ABTB1: variants seen among roughly 807,000 people sequenced by gnomAD.
The protein encoded by ABTB1 is ankyrin repeat and BTB/POZ domain-containing protein 1.
A neutral mutation model predicts 57.1 loss-of-function variants in ABTB1; 45 were observed. That is an observed-to-expected ratio of 0.79 (90% CI 0.62 to 1.01). The LOEUF is 1.01. Ranked by LOEUF, ABTB1 falls within the 50% of genes least tolerant of loss-of-function variation. The probability of loss-of-function intolerance (pLI) is 0.00; values close to 1 mark genes in which losing one functional copy is unlikely to be tolerated. For synonymous variants in ABTB1, 302 were observed against 275.4 expected (o/e 1.10, Z -0.95); for missense variants, 630 against 666.3 (o/e 0.95, Z 0.60).
intron 10 of ABTB1, 74 bp downstream of exon 10, chr3:127,677,917 T>C: frequency 1.3e-6 from 2 of 1,535,656 alleles, no homozygotes. Context: ...GCCAGGGCCC[T>C]GGGGGTCTGT....
rs2074977007 is a variant in ABTB1 at position 127,676,130 on chromosome 3, CGAG to C, written c.320+18_320+20del. The C allele has an allele frequency of 1.2e-6, 2 of 1,612,308 alleles. No homozygotes were observed. The highest frequency in any genetic ancestry group is 2.7e-5 in the African/African-American group (2 of 74,856). ...TCTTGCAGCGGTGAGCCAGGGCACA[CGAG>C]GGGTGCAGCATGGGGTGCGGTGGCC... On this transcript the variant is annotated intron_variant, in intron 4 of 11. Coordinates refer to ENST00000232744, the MANE Select transcript of ABTB1 (RefSeq NM_172027.3). This position sits in a 1 kb window ranked among gnomAD's most constrained non-coding sequence, Gnocchi z 5.4.
intron 1 of ABTB1, chr3:127,673,731 C>T: frequency 6.4e-6 from 1 of 156,240 alleles, no homozygotes; most frequent in Non-Finnish European, 1.4e-5. Flanking sequence ...CCTGGGCTGG[C>T]GCCGGGCTGC....
Position 127,676,437 on chromosome 3 carries a change from T to C in ABTB1, c.480+6T>C, listed in dbSNP as rs1345658144. On this transcript the variant is annotated splice_donor_region_variant and intron_variant, in intron 5 of 11. Transcript: ENST00000232744. The surrounding 1 kb of genome is among the most constrained non-coding windows in gnomAD (Gnocchi z 5.4). ...TGGTTCTCAGGCACCCACTGGTATGTCCCTTCAGGGTGGCAGAGGGGCATG... is the reference window on the plus strand; with the variant it reads ...TGGTTCTCAGGCACCCACTGGTATGCCCCTTCAGGGTGGCAGAGGGGCATG... 1 of 1,613,878 alleles carries C rather than the reference T, an allele frequency of 6.2e-7. No individual in the cohort carries two copies. Among genetic ancestry groups the C allele is most frequent in the Admixed American group, 1.7e-5 (1 of 59,988 alleles).
Position 127,680,028 on chromosome 3 carries a change from T to C in ABTB1, c.1073T>C (p.Met358Thr), listed in dbSNP as rs1164183607. Reference sequence around the variant, plus strand: ...TATGATGTGCTGAGCGTCGCCGACATGTACCTGCTGCCAGGCCTGAAGAGG... The same window carrying C: ...TATGATGTGCTGAGCGTCGCCGACACGTACCTGCTGCCAGGCCTGAAGAGG... Reference protein sequence around the residue: ...AAYDVLSVADMYLLPGLKRLC... With the variant: ...AAYDVLSVADTYLLPGLKRLC... Residue 358 changes from methionine (M) to threonine (T), a missense_variant, in exon 11 of 12, where the codon ATG (methionine) becomes ACG (threonine). Met to Thr is a moderately conservative substitution (Grantham distance 81). Transcript: ENST00000232744. 1 of 1,613,714 alleles carries C rather than the reference T, an allele frequency of 6.2e-7. No homozygotes were observed. Among genetic ancestry groups the C allele is most frequent in the Non-Finnish European group, 8.5e-7 (1 of 1,180,028 alleles).
At chr3:127,673,295 C>G (rs1009568918) in intron 1 of ABTB1, 2 of 383,574 alleles carry the variant, frequency 5.2e-6, no homozygotes, top group Non-Finnish European at 8.9e-6. Flanking sequence ...CCATTGACCC[C>G]CGGAGGGCTT....
chr3:127,677,071 G>T lies in ABTB1; in HGVS notation c.631G>T (p.Val211Leu), dbSNP rs752798150. Residue 211 changes from valine (V) to leucine (L), a missense_variant, in exon 7 of 12, where the codon GTG (valine) becomes TTG (leucine). Coordinates refer to ENST00000232744, the MANE Select transcript of ABTB1 (RefSeq NM_172027.3). Reference protein sequence around the residue: ...LSDLEAKCEKVSEFVASKPGT... With the variant: ...LSDLEAKCEKLSEFVASKPGT... ...CGACCTGGAGGCCAAGTGCGAGAAG[G>T]TGTCTGAGTTTGGTGCGAGCAGGGT... 13 of 1,614,148 alleles carry T rather than the reference G, an allele frequency of 8.1e-6. No individual in the cohort carries two copies. The Admixed American group carries it at 2.2e-4, about 27-fold the overall frequency.
In ABTB1 at chr3:127,680,796, A is replaced by G. The variant is rs1260830095; in HGVS notation, c.*321A>G. The stretch of plus-strand genomic sequence containing the variant: ...ATCCCCCCTACCCACCCCAGTCCCA[A>G]ATCCAGTCCTCTGGCCCTTGCCTAG... On this transcript the variant is annotated 3_prime_UTR_variant, in exon 12 of 12. Coordinates refer to ENST00000232744, the MANE Select transcript of ABTB1 (RefSeq NM_172027.3). 1.5e-6 allele frequency: 1 copy of G among 659,274 alleles called. No homozygotes were observed. Among genetic ancestry groups the G allele is most frequent in the Admixed American group, 2.4e-5 (1 of 40,886 alleles). The allele number at this position is 659,274 out of a possible 1,614,324, so 40.8% of individuals were successfully genotyped here.
At position 127,676,518 on chromosome 3, in the gene ABTB1, C is replaced by G; in HGVS notation, c.481-18C>G. The G allele has an allele frequency of 6.2e-7, 1 of 1,613,722 alleles. No homozygotes were observed. Among genetic ancestry groups the G allele is most frequent in the Non-Finnish European group, 8.5e-7 (1 of 1,179,960 alleles). On this transcript the variant is annotated intron_variant, in intron 5 of 11. Transcript: ENST00000232744. The surrounding 1 kb of genome is among the most constrained non-coding windows in gnomAD (Gnocchi z 5.4). ...GGGTGGCTGCCTCTGACATTACTTT[C>G]TGGTTTTCTGCCCACAGATCAACCC...
In ABTB1 at chr3:127,680,395, A is replaced by T; in HGVS notation, c.1357A>T (p.Thr453Ser). The change falls in exon 12 of 12, where the codon ACC (threonine) becomes TCC (serine). Residue 453 changes from threonine to serine, a missense_variant. Physicochemically the swap from Thr to Ser is moderately conservative, Grantham distance 58. Transcript: ENST00000232744. ...CTTCCACGTGGCCAGCACGGTGCAGACCTACAGCGCCATAGAGGAGGCGCA... is the reference window on the plus strand; with the variant it reads ...CTTCCACGTGGCCAGCACGGTGCAGTCCTACAGCGCCATAGAGGAGGCGCA... ...IRFHVASTVQTYSAIEEAQQR... is the reference protein window; with the variant it reads ...IRFHVASTVQSYSAIEEAQQR... The T allele has an allele frequency of 6.2e-7, 1 of 1,608,042 alleles. No homozygotes were observed. The highest frequency in any genetic ancestry group is 8.5e-7 in the Non-Finnish European group (1 of 1,177,648).
In ABTB1 at chr3:127,677,171, C is replaced by T. The variant is rs764342608; in HGVS notation, c.647C>T (p.Ala216Val). The T allele has an allele frequency of 1.1e-5, 18 of 1,613,276 alleles. No homozygotes were observed. Among genetic ancestry groups the T allele is most frequent in the Admixed American group, 3.3e-5 (2 of 59,942 alleles). Residue 216 changes from alanine (A) to valine (V), a missense_variant, in exon 8 of 12, where the codon GCG becomes GTG. Transcript: ENST00000232744. ...AKCEKVSEFVASKPGTCVKVL... is the reference protein window; with the variant it reads ...AKCEKVSEFVVSKPGTCVKVL... ...TGAAGTTGTTCTTCCCCTGTAGTGG[C>T]GTCTAAGCCAGGCACGTGTGTGAAG...
chr3:127,675,075 T>A (rs1165667746), intron 3 of ABTB1, among the ~76,000 whole-genome samples: 1 of 152,086 alleles, frequency 6.6e-6, no homozygotes, highest in African/African-American at 2.4e-5. Context: ...TCCACTGTGC[T>A]ATGCATGCCC....
Position 127,676,489 on chromosome 3 carries a change from T to C in ABTB1, c.481-47T>C. 1 of 1,614,146 alleles carries C rather than the reference T, an allele frequency of 6.2e-7. No homozygotes were observed. Among genetic ancestry groups the C allele is most frequent in the Non-Finnish European group, 8.5e-7 (1 of 1,180,004 alleles). The stretch of plus-strand genomic sequence containing the variant: ...ACTGTCCAGGAACAGCAGGAGGTTG[T>C]GCTGGGTGGCTGCCTCTGACATTAC... On this transcript the variant is annotated intron_variant, in intron 5 of 11. Transcript: ENST00000232744. This position sits in a 1 kb window ranked among gnomAD's most constrained non-coding sequence, Gnocchi z 5.4.
In ABTB1 at chr3:127,677,748, G is replaced by C; in HGVS notation, c.934G>C (p.Ala312Pro). Residue 312 changes from alanine (A) to proline (P), a missense_variant, in exon 10 of 12, where the codon GCG becomes CCG. Coordinates refer to ENST00000232744, the MANE Select transcript of ABTB1 (RefSeq NM_172027.3). ...CCACTTCCGAGAGAGCGAGGAGCCAGCGACCTCAGGGGGCCCCCCAGCCGT... is the reference window on the plus strand; with the variant it reads ...CCACTTCCGAGAGAGCGAGGAGCCACCGACCTCAGGGGGCCCCCCAGCCGT... ...DDHFRESEEP[A>P]TSGGPPAVTL... is the part of the protein sequence containing the mutation. The C allele has an allele frequency of 6.2e-7, 1 of 1,611,250 alleles. No homozygotes were observed. The highest frequency in any genetic ancestry group is 8.5e-7 in the Non-Finnish European group (1 of 1,178,944).
chr3:127,678,554 C>G (rs909586216), intron 10 of ABTB1: 1 of 152,374 alleles, frequency 6.6e-6, no homozygotes, highest in African/African-American at 2.4e-5. Context: ...TGTAGCTACT[C>G]AACTCTGTAG....
rs752867367 is a variant in ABTB1 at position 127,677,225 on chromosome 3, AC to A, written c.706del (p.Arg236AlafsTer118). 1 of 1,606,318 alleles carries A rather than the reference AC, an allele frequency of 6.2e-7. No individual in the cohort carries two copies. Among genetic ancestry groups the A allele is most frequent in the Admixed American group, 1.7e-5 (1 of 58,796 alleles). On this transcript the variant is annotated frameshift_variant, in exon 8 of 12. Coordinates refer to ENST00000232744, the MANE Select transcript of ABTB1 (RefSeq NM_172027.3). LOFTEE classifies it high-confidence loss of function. ...CTGACCATCGAGCCCCCACCTGCAG[AC>A]CCCCGCCTCCGGGAGGACATGGCGC... ...KVLTIEPPPA[D>X]PRLREDMALL...
intron 8 of ABTB1, 87 bp from the exon 9 acceptor site, chr3:127,677,378 C>T (rs1468551858): frequency 6.4e-7 from 1 of 1,568,342 alleles, no homozygotes; most frequent in Non-Finnish European, 8.8e-7. Flanking sequence ...CTTGTGTGGT[C>T]CTGGACCAGT....
chr3:127,675,884 T>G, intron 3 of ABTB1, 86 bp from the exon 4 acceptor site: 2 of 1,528,352 alleles, frequency 1.3e-6, no homozygotes, highest in South Asian at 2.4e-5. Flanking sequence ...GAGCCCCATG[T>G]GTGGGAAGGT....
In ABTB1 at chr3:127,677,008, C is replaced by T. The variant is rs770838181; in HGVS notation, c.568C>T (p.Arg190Cys). ...CGTAGAGCATGTGAGTGACTGTGAG[C>T]GCCTGGCCAAGCAATGCCAGCTGTG... ...IGVEHVSDCE[R>C]LAKQCQLWDL... Residue 190 changes from arginine (R) to cysteine (C), a missense_variant, in exon 7 of 12, where the codon CGC becomes TGC. By Grantham distance (180) the Arg-to-Cys change is radical (BLOSUM62 -3). Around this residue, in one of 3 missense-constraint regions of ABTB1, gnomAD observed 579 missense variants for 585.9 expected, o/e 0.99. Coordinates refer to ENST00000232744, the MANE Select transcript of ABTB1 (RefSeq NM_172027.3). The T allele has an allele frequency of 1.9e-5, 30 of 1,613,890 alleles. No individual in the cohort carries two copies. The South Asian group carries it at 2.3e-4, about 12-fold the overall frequency.
Position 127,677,234 on chromosome 3 carries a change from T to C in ABTB1, c.710T>C (p.Leu237Pro), listed in dbSNP as rs2075006444. ...TIEPPPADPR[L>P]REDMALLADC... ...GAGCCCCCACCTGCAGACCCCCGCC[T>C]CCGGGAGGACATGGCGCTGCTGGCC... The change falls in exon 8 of 12, where the codon CTC becomes CCC. Residue 237 changes from leucine to proline, a missense_variant. This residue lies in a region of ABTB1 where 579 missense variants were observed against 585.9 expected (regional missense o/e 0.99). Transcript: ENST00000232744. 1 of 1,604,262 alleles carries C rather than the reference T, an allele frequency of 6.2e-7. No homozygotes were observed. Among genetic ancestry groups the C allele is most frequent in the Non-Finnish European group, 8.5e-7 (1 of 1,175,564 alleles).
Sources: gnomAD v4.1 joint callset for allele counts (sites outside exome capture counted in the v4.1 genomes callset) on GRCh38, gnomAD v4.1.1 for gene constraint, gnomAD v4.1.1 regional missense constraint, Gnocchi (gnomAD v3.1) non-coding constraint, MANE v1.5 for transcripts, NCBI Gene and HGNC (gene_info 2026-07-23, HGNC 2026-07-21) for gene names.